WDR44: variants seen among roughly 807,000 people sequenced by gnomAD.
The protein encoded by WDR44 is WD repeat-containing protein 44.
In WDR44, 9 loss-of-function variants were observed where a neutral mutation model predicts 65.7. That is an observed-to-expected ratio of 0.14 (90% CI 0.08 to 0.24). The LOEUF (loss-of-function observed/expected upper bound fraction) is 0.24. Ranked by LOEUF, WDR44 falls within the 10% of genes least tolerant of loss-of-function variation. The pLI, the probability that WDR44 is intolerant of heterozygous loss-of-function variation, is 1.00. For synonymous variants in WDR44, 220 were observed against 235.2 expected (o/e 0.94, Z 0.59); for missense variants, 425 against 670.9 (o/e 0.63, Z 4.05).
chrX:118,377,228 C>T (rs181659987), intron 1 of WDR44, among the ~76,000 whole-genome samples: 22 of 109,590 alleles, frequency 2.0e-4, no homozygotes, highest in African/African-American at 5.0e-4. Context: ...GGTGTGGTGG[C>T]GCATGCCTGT....
chrX:118,398,364 A>T lies in WDR44; in HGVS notation c.1191-23A>T, dbSNP rs112206183. 484 of 1,192,194 alleles carry T rather than the reference A, an allele frequency of 4.1e-4. 3 individuals are homozygous for T. The African/African-American group carries it at 7.6e-3, about 19-fold the overall frequency. On this transcript the variant is annotated intron_variant, in intron 7 of 19. Transcript: ENST00000254029. Reference sequence around the variant, plus strand: ...AAGTATAGAAGAAATGGCTTCTTTTAAAACAACTTCCCCTTCTTACAGTAA... The same window carrying T: ...AAGTATAGAAGAAATGGCTTCTTTTTAAACAACTTCCCCTTCTTACAGTAA...
At chrX:118,426,620 C>T (rs568000561) in intron 12 of WDR44, among the ~76,000 whole-genome samples, 1 of 109,578 alleles carries the variant, frequency 9.1e-6, no homozygotes, top group Non-Finnish European at 1.9e-5. Flanking sequence ...GTGAAAGGAT[C>T]GCTGGAGCCC....
At chrX:118,408,257 TTCTC>T (rs1179130413) in intron 10 of WDR44, among the ~76,000 whole-genome samples, 1 of 111,458 alleles carries the variant, frequency 9.0e-6, no homozygotes, top group Non-Finnish European at 1.9e-5. Flanking sequence ...TTCATGTTCT[TTCTC>T]CCTGCTCCTC....
Sources: gnomAD v4.1 joint callset for allele counts (sites outside exome capture counted in the v4.1 genomes callset) on GRCh38, gnomAD v4.1.1 for gene constraint, MANE v1.5 for transcripts, NCBI Gene and HGNC (gene_info 2026-07-23, HGNC 2026-07-21) for gene names.